The following PRKCH variants were observed in gnomAD, a reference collection of about 807,000 sequenced individuals.
The protein encoded by PRKCH is protein kinase C eta type.
A neutral mutation model predicts 82.5 loss-of-function variants in PRKCH; 28 were observed. The ratio of observed to expected loss-of-function variants is 0.34; its 90% CI spans 0.25 to 0.47. PRKCH has a LOEUF of 0.47. PRKCH is among the 20% of genes least tolerant of loss of function. The probability of loss-of-function intolerance (pLI) is 1.00; values close to 1 mark genes in which losing one functional copy is unlikely to be tolerated. For synonymous variants in PRKCH, 322 were observed against 327.4 expected, an observed-to-expected ratio of 0.98 and a Z score of 0.18; for missense variants, 705 against 881.8, an observed-to-expected ratio of 0.80 and a Z score of 2.54.
intron 2 of PRKCH, among the ~76,000 whole-genome samples, chr14:61,392,466 A>T (rs1027945142): frequency 1.3e-5 from 2 of 152,186 alleles, no homozygotes; most frequent in Non-Finnish European, 2.9e-5. Context: ...GTATGAAATT[A>T]TATCCTGTGG....
Position 61,372,879 on chromosome 14 carries a change from A to G in PRKCH, c.364-18346A>G, listed in dbSNP as rs143910001. On this transcript the variant is annotated intron_variant, in intron 1 of 13. Coordinates refer to ENST00000332981, the MANE Select transcript of PRKCH (RefSeq NM_006255.5). ...AGTGTTCTCTGTCTACCATTATAGT[A>G]TCATAGAGAACAATTTCACTGCCCT... Among the ~76,000 whole-genome samples the G allele has an allele frequency of 6.1e-4, 93 of 152,166 alleles. 2 individuals carry two copies. The highest frequency in any genetic ancestry group is 2.1e-3 in the African/African-American group (88 of 41,434).
chr14:61,399,681 C>T (rs549362185), intron 2 of PRKCH, among the ~76,000 whole-genome samples: 1 of 152,126 alleles, frequency 6.6e-6, no homozygotes, highest in East Asian at 1.9e-4. Flanking sequence ...AAGGTAGTTT[C>T]CTAAAAGAAT....
intron 2 of PRKCH, among the ~76,000 whole-genome samples, chr14:61,430,150 A>C (rs1883314171): frequency 6.6e-6 from 1 of 152,256 alleles, no homozygotes; most frequent in Non-Finnish European, 1.5e-5. Flanking sequence ...TTTTAAAAAA[A>C]TGAGCAAAAG....
At chr14:61,270,710 C>T (rs1484257213) in intron 1 of PRKCH, among the ~76,000 whole-genome samples, 1 of 152,202 alleles carries the variant, frequency 6.6e-6, no homozygotes, top group Non-Finnish European at 1.5e-5. Context: ...CAATGGCTCA[C>T]ACCTGTAATC....
chr14:61,355,151 A>G (rs1180383320), intron 1 of PRKCH, among the ~76,000 whole-genome samples: 1 of 152,212 alleles, frequency 6.6e-6, no homozygotes, highest in Non-Finnish European at 1.5e-5. Flanking sequence ...AGAGGATTCA[A>G]TTCCAGCAAG....
intron 1 of PRKCH, among the ~76,000 whole-genome samples, chr14:61,354,404 TTGTGTGTGTGTGTG>T (rs3028729): frequency 4.0e-5 from 6 of 148,338 alleles, no homozygotes; most frequent in African/African-American, 1.2e-4. Flanking sequence ...CTGTTTCTAT[TTGTGTGTGTGTGTG>T]TGTGTGTGTG....
intron 1 of PRKCH, among the ~76,000 whole-genome samples, chr14:61,258,921 T>C (rs965233648): frequency 3.3e-5 from 5 of 152,212 alleles, no homozygotes; most frequent in African/African-American, 1.2e-4. Context: ...TCTCAGTGAT[T>C]GTTAGCTCCT....
At chr14:61,446,640 T>C (rs1884238955) in intron 4 of PRKCH, among the ~76,000 whole-genome samples, 1 of 152,234 alleles carries the variant, frequency 6.6e-6, no homozygotes, top group Admixed American at 6.5e-5. Flanking sequence ...CTTTCAAAGT[T>C]AGGAAAAAAC....
At chr14:61,198,525 A>G (rs2044456909) in intron 1 of PRKCH, among the ~76,000 whole-genome samples, 1 of 152,174 alleles carries the variant, frequency 6.6e-6, no homozygotes, top group African/African-American at 2.4e-5. Flanking sequence ...GTTCATTTCT[A>G]TAATAGTGTA....
intron 2 of PRKCH, among the ~76,000 whole-genome samples, chr14:61,423,216 G>T (rs1166455484): frequency 6.6e-6 from 1 of 152,182 alleles, no homozygotes; most frequent in Admixed American, 6.5e-5. Flanking sequence ...GGGGACAAGA[G>T]ATCTTTAACT....
chr14:61,376,243 C>G (rs1223132799), intron 1 of PRKCH, among the ~76,000 whole-genome samples: 1 of 152,158 alleles, frequency 6.6e-6, no homozygotes, highest in African/African-American at 2.4e-5. Flanking sequence ...ACCCTTCTTT[C>G]TGTTTTGCTG....
intron 1 of PRKCH, among the ~76,000 whole-genome samples, chr14:61,196,491 T>A (rs2044443712): frequency 6.6e-6 from 1 of 152,210 alleles, no homozygotes; most frequent in Non-Finnish European, 1.5e-5. Flanking sequence ...AACTTGAGTT[T>A]AAAATCCTAC....
chr14:61,247,847 A>G (rs1248723103), intron 1 of PRKCH, among the ~76,000 whole-genome samples: 2 of 152,130 alleles, frequency 1.3e-5, no homozygotes, highest in African/African-American at 4.8e-5. Flanking sequence ...TAGACGAGGT[A>G]AAGTTACACA....
chr14:61,238,579 C>A (rs2140064456), intron 1 of PRKCH, among the ~76,000 whole-genome samples: 1 of 152,308 alleles, frequency 6.6e-6, no homozygotes, highest in South Asian at 2.1e-4. Flanking sequence ...TTATTCACCT[C>A]ATTTCTTGGT....
rs540549589 is a variant in PRKCH, at chr14:61,423,340, C to T, written c.428-19771C>T. ...GAGGATCCAAAACTGTAAAATCTAG[C>T]TCTGATCTCCTACAAATTTTTGGTC... On this transcript the variant is annotated intron_variant, in intron 2 of 13. Transcript: ENST00000332981. 3.9e-5 allele frequency among the ~76,000 whole-genome samples: 6 copies of T among 152,292 alleles called. No individual in the cohort carries two copies. The South Asian group carries it at 1.2e-3, about 32-fold the overall frequency.
At chr14:61,456,101 A>G (rs1884754194) in intron 7 of PRKCH, among the ~76,000 whole-genome samples, 1 of 152,252 alleles carries the variant, frequency 6.6e-6, no homozygotes, top group African/African-American at 2.4e-5. Context: ...AAGTTTATTG[A>G]ATGTGCCAGG....
chr14:61,510,037 C>T (rs1381907275), intron 10 of PRKCH, among the ~76,000 whole-genome samples: 1 of 152,116 alleles, frequency 6.6e-6, no homozygotes, highest in Non-Finnish European at 1.5e-5. Context: ...CAGGGAAGTC[C>T]ATGCTAGGTA....
At chr14:61,417,266 T>C (rs1882606300) in intron 2 of PRKCH, among the ~76,000 whole-genome samples, 1 of 152,228 alleles carries the variant, frequency 6.6e-6, no homozygotes, top group Admixed American at 6.5e-5. Flanking sequence ...CCAATTGCTT[T>C]ACCACATAGA....
chr14:61,191,257 T>C lies in PRKCH; in HGVS notation c.-19+3589T>C, dbSNP rs776002098. On this transcript the variant is annotated intron_variant, in intron 1 of 3. Coordinates refer to the PRKCH transcript ENST00000555185. ...TTATTGTAGCTATGACAATCTCCTA[T>C]GTATTCTACACTTACACTGACTGAG... is the stretch of plus-strand genomic sequence containing the variant. 8.5e-5 allele frequency among the ~76,000 whole-genome samples: 13 copies of C among 152,346 alleles called. 1 individual carries two copies. Among genetic ancestry groups the C allele is most frequent in the Non-Finnish European group, 7.4e-5 (5 of 68,026 alleles).
Sources: gnomAD v4.1 joint callset for allele counts (sites outside exome capture counted in the v4.1 genomes callset) on GRCh38, gnomAD v4.1.1 for gene constraint, MANE v1.5 for transcripts, NCBI Gene and HGNC (gene_info 2026-07-23, HGNC 2026-07-21) for gene names.